HLA-DRA: variants seen among roughly 807,000 people sequenced by gnomAD.
The protein encoded by HLA-DRA is major histocompatibility complex, class II, DR alpha.
HLA-DRA carries 8 observed loss-of-function variants against 22.1 expected under a neutral mutation model. That is an observed-to-expected ratio of 0.36 (90% CI 0.21 to 0.65). HLA-DRA has a LOEUF of 0.65. Among genes scored for constraint, HLA-DRA ranks in the 30% least tolerant of loss-of-function variants. The pLI is 0.63. For synonymous variants in HLA-DRA, 101 were observed against 117.1 expected (o/e 0.86, Z 0.89); for missense variants, 248 against 321.3 (o/e 0.77, Z 1.74).
intron 2 of HLA-DRA, 57 bp from the exon 3 acceptor site, chr6:32,443,128 G>A (rs1762720269): frequency 6.9e-7 from 1 of 1,457,058 alleles, no homozygotes; most frequent in East Asian, 2.3e-5. Context: ...GGGAGGGAGA[G>A]GGGTGAGCCT....
In HLA-DRA at chr6:32,443,871, G is replaced by A. The variant is rs960870983; in HGVS notation, c.726G>A (p.Leu242=). 1 of 1,609,728 alleles carries A rather than the reference G, an allele frequency of 6.2e-7. No homozygotes were observed. The highest frequency in any genetic ancestry group is 1.3e-5 in the African/African-American group (1 of 74,934). Residue 242 remains leucine (L), a synonymous_variant, in exon 4 of 5, where the codon TTG becomes TTA. Transcript: ENST00000395388. ...GGACCATCTTCATCATCAAGGGATT[G>A]CGCAAAAGCAATGCAGCAGAACGCA... is the stretch of plus-strand genomic sequence containing the variant. The part of the protein sequence containing the change: ...IIGTIFIIKG[L]RKSNAAERRG...
chr6:32,444,353 C>CT (rs974880187), intron 4 of HLA-DRA, among the ~76,000 whole-genome samples: 13 of 152,166 alleles, frequency 8.5e-5, no homozygotes, highest in Non-Finnish European at 1.3e-4. Flanking sequence ...CAGATCCTGG[C>CT]TCCTTTCAGG....
At chr6:32,440,169 C>A in intron 1 of HLA-DRA, 137 bp downstream of exon 1, 2 of 820,430 alleles carry the variant, frequency 2.4e-6, no homozygotes, top group South Asian at 1.5e-5. Context: ...GAAAGTATAA[C>A]AAATTGTGGT....
intron 3 of HLA-DRA, 117 bp from the exon 4 acceptor site, chr6:32,443,639 T>C: frequency 2.5e-6 from 3 of 1,185,160 alleles, no homozygotes; most frequent in South Asian, 3.0e-5. Context: ...CATCATTCTG[T>C]CTTCCTCTTC....
At chr6:32,442,080 G>A (rs572627622) in intron 1 of HLA-DRA, among the ~76,000 whole-genome samples, 11 of 152,122 alleles carry the variant, frequency 7.2e-5, no homozygotes, top group Non-Finnish European at 4.4e-5. Context: ...TTTAATGCCC[G>A]GGTAAAGAAA....
At chr6:32,443,554 T>C in intron 3 of HLA-DRA, 88 bp downstream of exon 3, 1 of 1,269,700 alleles carries the variant, frequency 7.9e-7, no homozygotes, top group Non-Finnish European at 1.1e-6. Flanking sequence ...TTTCATAATA[T>C]CTGCTACAAT....
intron 1 of HLA-DRA, 44 bp downstream of exon 1, chr6:32,440,076 C>A (rs1018549744): frequency 4.0e-6 from 6 of 1,508,642 alleles, no homozygotes; most frequent in Non-Finnish European, 5.5e-6. Flanking sequence ...GACTACGAAG[C>A]ATTGGAGAAA....
chr6:32,443,019 A>C (rs1195524800), intron 2 of HLA-DRA, among the ~76,000 whole-genome samples, 166 bp from the exon 3 acceptor site: 1 of 152,056 alleles, frequency 6.6e-6, no homozygotes, highest in Non-Finnish European at 1.5e-5. Flanking sequence ...GCTGTCAGAG[A>C]TTGTTATCTG....
intron 2 of HLA-DRA, 40 bp from the exon 3 acceptor site, chr6:32,443,145 T>G: frequency 6.3e-7 from 1 of 1,574,996 alleles, no homozygotes; most frequent in Non-Finnish European, 8.7e-7. Flanking sequence ...GCCTAAGCAG[T>G]GATGGCTGAT....
chr6:32,440,119 A>C, intron 1 of HLA-DRA, 87 bp downstream of exon 1: 1 of 1,148,114 alleles, frequency 8.7e-7, no homozygotes, highest in Non-Finnish European at 1.3e-6. Context: ...TAATGTGTGG[A>C]GTGAAAGAAT....
rs1001627549 is a variant in HLA-DRA at position 32,443,916 on chromosome 6, A to G, written c.*6A>G. The G allele has an allele frequency of 1.0e-5, 16 of 1,584,914 alleles. No individual in the cohort carries two copies. The highest frequency in any genetic ancestry group is 1.4e-5 in the Non-Finnish European group (16 of 1,166,762). On this transcript the variant is annotated 3_prime_UTR_variant, in exon 4 of 5. Coordinates refer to ENST00000395388, the MANE Select transcript of HLA-DRA (RefSeq NM_019111.5). The stretch of plus-strand genomic sequence containing the variant: ...AACGCAGGGGGCCTCTGTAAGGCAC[A>G]TGGAGGTGAGTTAGGTGTGGTCAGA...
chr6:32,440,820 G>A (rs3129877), intron 1 of HLA-DRA, among the ~76,000 whole-genome samples: 38,660 of 152,118 alleles, frequency 0.25, 5,311 homozygotes, highest in Non-Finnish European at 0.29. Context: ...TTCACCCAGC[G>A]TGACCCCCAC....
chr6:32,443,639 T>A, intron 3 of HLA-DRA, 117 bp from the exon 4 acceptor site: 2 of 1,185,160 alleles, frequency 1.7e-6, no homozygotes, highest in Non-Finnish European at 2.4e-6. Flanking sequence ...CATCATTCTG[T>A]CTTCCTCTTC....
At chr6:32,441,124 C>T (rs987500531) in intron 1 of HLA-DRA, among the ~76,000 whole-genome samples, 7 of 152,070 alleles carry the variant, frequency 4.6e-5, no homozygotes, top group Non-Finnish European at 5.9e-5. Flanking sequence ...TTTGGGAGGC[C>T]GAGGCGGGCG....
At chr6:32,443,978 A>G in intron 4 of HLA-DRA, 57 bp downstream of exon 4, 1 of 1,308,056 alleles carries the variant, frequency 7.6e-7, no homozygotes, top group Non-Finnish European at 1.0e-6. Context: ...GGAGGAAAAC[A>G]GGGTGGGGAA....
intron 1 of HLA-DRA, among the ~76,000 whole-genome samples, chr6:32,442,240 CCTT>C (rs1382509213): frequency 1.3e-5 from 2 of 152,146 alleles, no homozygotes; most frequent in Non-Finnish European, 2.9e-5. Flanking sequence ...TATAACCAGT[CCTT>C]CTTGTTTTTC....
At chr6:32,440,096 G>A in intron 1 of HLA-DRA, 64 bp downstream of exon 1, 3 of 1,336,478 alleles carry the variant, frequency 2.2e-6, no homozygotes, top group Non-Finnish European at 3.2e-6. Context: ...AAGACCTATG[G>A]ACATTTGGAA....
chr6:32,442,433 T>C lies in HLA-DRA; in HGVS notation c.83-15T>C, dbSNP rs3129884. The stretch of plus-strand genomic sequence containing the variant: ...CCCCCCACCCAACTCTCTTTCTCCA[T>C]TTCTTGCCTTTCAGAAGAACATGTG... On this transcript the variant is annotated splice_polypyrimidine_tract_variant and intron_variant, in intron 1 of 4. Transcript: ENST00000395388. The C allele has an allele frequency of 0.17, 273,466 of 1,611,016 alleles. 25,116 individuals are homozygous for C. The highest frequency in any genetic ancestry group is 0.18 in the Non-Finnish European group (215,275 of 1,178,226).
At chr6:32,441,283 G>A (rs6925852) in intron 1 of HLA-DRA, among the ~76,000 whole-genome samples, 19,883 of 152,196 alleles carry the variant, frequency 0.13, 1,573 homozygotes, top group Non-Finnish European at 0.18. Flanking sequence ...GCTTGAACTC[G>A]GGAGGCGGAG....
Sources: gnomAD v4.1 joint callset for allele counts (sites outside exome capture counted in the v4.1 genomes callset) on GRCh38, gnomAD v4.1.1 for gene constraint, MANE v1.5 for transcripts, NCBI Gene and HGNC (gene_info 2026-07-23, HGNC 2026-07-21) for gene names.